TEX9: variants seen among roughly 807,000 people sequenced by gnomAD.
TEX9 encodes the protein testis-expressed protein 9.
Under a neutral mutation model 59.6 loss-of-function variants are expected in TEX9, and 74 were observed. That is an observed-to-expected ratio of 1.24 (90% CI 1.03 to 1.51). The LOEUF (loss-of-function observed/expected upper bound fraction) is 1.51. Ranked by LOEUF, TEX9 falls within the 40% of genes most tolerant of loss-of-function variation. The pLI, the probability that TEX9 is intolerant of heterozygous loss-of-function variation, is 0.00. For missense variants in TEX9, 522 were observed against 447.8 expected (o/e 1.17, Z -1.49); for synonymous variants, 186 against 152.2 (o/e 1.22, Z -1.64).
intron 1 of TEX9, among the ~76,000 whole-genome samples, chr15:56,277,522 C>T (rs547493145): frequency 4.6e-4 from 70 of 152,200 alleles, no homozygotes; most frequent in African/African-American, 1.5e-3. Flanking sequence ...TGTTTTGTTC[C>T]GTTGGTCTAT....
At chr15:56,278,140 A>G (rs1449633588) in intron 1 of TEX9, among the ~76,000 whole-genome samples, 1 of 152,086 alleles carries the variant, frequency 6.6e-6, no homozygotes, top group Non-Finnish European at 1.5e-5. Context: ...TACAATATTT[A>G]TTATTGTCAT....
At chr15:56,327,686 C>T (rs926677567) in intron 1 of TEX9, among the ~76,000 whole-genome samples, 5 of 152,100 alleles carry the variant, frequency 3.3e-5, no homozygotes, top group East Asian at 1.9e-4. Flanking sequence ...AGAATCTGTG[C>T]GTTTGCGAGA....
intron 3 of TEX9, among the ~76,000 whole-genome samples, chr15:56,383,649 T>C (rs1196906693): frequency 6.6e-6 from 1 of 152,214 alleles, no homozygotes; most frequent in Non-Finnish European, 1.5e-5. Flanking sequence ...ATTTCTGCTG[T>C]ATGCTGTATA....
At chr15:56,344,398 A>G (rs2046427142) in intron 1 of TEX9, among the ~76,000 whole-genome samples, 1 of 152,224 alleles carries the variant, frequency 6.6e-6, no homozygotes, top group East Asian at 1.9e-4. Flanking sequence ...ACTGTGCTAA[A>G]TGAAAGAAGC....
chr15:56,460,009 A>AAAAAAAAAAAAAAAATATATAT, the TEX9 span, among the ~76,000 whole-genome samples: 1 of 26,406 alleles, frequency 3.8e-5, no homozygotes, highest in African/African-American at 1.5e-4. Context: ...AAAAAAAAAA[A>AAAAAAAAAAAAAAAATATATAT]ATACATATAT....
intron 1 of TEX9, among the ~76,000 whole-genome samples, chr15:56,294,461 C>A (rs1452860854): frequency 6.6e-6 from 1 of 152,138 alleles, no homozygotes; most frequent in Non-Finnish European, 1.5e-5. Context: ...AGTATTGTAG[C>A]CTTCTCAACT....
chr15:56,336,277 A>G (rs1863425), intron 1 of TEX9, among the ~76,000 whole-genome samples: 86,412 of 151,868 alleles, frequency 0.57, 24,834 homozygotes, highest in Non-Finnish European at 0.6. Flanking sequence ...ATTCATGTTA[A>G]ATCCCTAATC....
At chr15:56,245,991 G>C (rs2043844192) in intron 1 of TEX9, among the ~76,000 whole-genome samples, 1 of 152,108 alleles carries the variant, frequency 6.6e-6, no homozygotes, top group East Asian at 1.9e-4. Flanking sequence ...CTGGGAGGGG[G>C]AGATCCTTAG....
At chr15:56,299,364 C>A (rs559006778) in intron 1 of TEX9, among the ~76,000 whole-genome samples, 1 of 152,304 alleles carries the variant, frequency 6.6e-6, no homozygotes, top group East Asian at 1.9e-4. Flanking sequence ...GGGAATTGCC[C>A]ATCCCAGTGG....
intron 1 of TEX9, among the ~76,000 whole-genome samples, chr15:56,329,148 A>G (rs2046088577): frequency 6.6e-6 from 1 of 152,188 alleles, no homozygotes; most frequent in South Asian, 2.1e-4. Flanking sequence ...CTGGTAATCA[A>G]GAGCATTCTT....
intron 12 of TEX9, among the ~76,000 whole-genome samples, chr15:56,436,077 A>T (rs1046482386): frequency 6.6e-6 from 1 of 152,146 alleles, no homozygotes; most frequent in Non-Finnish European, 1.5e-5. Context: ...GATATCCAGG[A>T]ATTGAACTCA....
chr15:56,344,131 G>T (rs2046421873), intron 1 of TEX9, among the ~76,000 whole-genome samples: 1 of 152,238 alleles, frequency 6.6e-6, no homozygotes, highest in South Asian at 2.1e-4. Context: ...GGTTAAGCAT[G>T]GAGTTATCAT....
intron 2 of TEX9, 95 bp downstream of exon 2, chr15:56,365,765 G>GACC (rs2046913941): frequency 1.3e-6 from 2 of 1,541,712 alleles, no homozygotes; most frequent in Non-Finnish European, 8.7e-7. Flanking sequence ...GGATCTTCGG[G>GACC]ACCACTCACT....
intron 12 of TEX9, among the ~76,000 whole-genome samples, chr15:56,439,714 A>G (rs911817255): frequency 1.3e-5 from 2 of 151,804 alleles, no homozygotes; most frequent in African/African-American, 4.8e-5. Context: ...AATTAACTCA[A>G]AACAGATCAC....
chr15:56,280,221 C>T (rs2044782016), intron 1 of TEX9, among the ~76,000 whole-genome samples: 2 of 152,130 alleles, frequency 1.3e-5, no homozygotes. Flanking sequence ...AGTTGAGGAA[C>T]ATCTATATAA....
At position 56,359,058 on chromosome 15, in the gene TEX9, A is replaced by G. The variant is rs2046743179; in HGVS notation, c.-106-14383A>G. Among the ~76,000 whole-genome samples the G allele has an allele frequency of 2.6e-5, 4 of 152,070 alleles. No individual in the cohort carries two copies. The South Asian group carries it at 8.3e-4, about 32-fold the overall frequency. ...AGCAGTGTGAGAACAGACTAATATA[A>G]TCACTTTACAAAGCTGTTATATCTC... is the stretch of plus-strand genomic sequence containing the variant. On this transcript the variant is annotated intron_variant, in intron 1 of 5. Coordinates refer to the TEX9 transcript ENST00000560827.
chr15:56,394,902 G>A, intron 9 of TEX9, 68 bp downstream of exon 9: 3 of 1,419,274 alleles, frequency 2.1e-6, no homozygotes, highest in Non-Finnish European at 1.9e-6. Flanking sequence ...TTACACATTT[G>A]TATAGATGCC....
chr15:56,246,111 C>G (rs1348079933), intron 1 of TEX9, among the ~76,000 whole-genome samples: 1 of 152,202 alleles, frequency 6.6e-6, no homozygotes, highest in African/African-American at 2.4e-5. Flanking sequence ...CCGGGTGTCA[C>G]ACAGGCTGGC....
At chr15:56,316,875 G>A (rs557985996) in intron 1 of TEX9, among the ~76,000 whole-genome samples, 65 of 152,300 alleles carry the variant, frequency 4.3e-4, no homozygotes, top group African/African-American at 1.4e-3. Context: ...TAAGCCCGTC[G>A]GAAAAGCGCA....
Sources: allele counts gnomAD v4.1 joint callset (sites outside exome capture counted in the v4.1 genomes callset), GRCh38; gene constraint gnomAD v4.1.1; transcripts MANE v1.5; gene names NCBI Gene and HGNC (gene_info 2026-07-23, HGNC 2026-07-21).